PCDHA13: variants seen among roughly 807,000 people sequenced by gnomAD.
The protein encoded by PCDHA13 is protocadherin alpha-13.
In PCDHA13, 54 loss-of-function variants were observed where a neutral mutation model predicts 64.8. The ratio of observed to expected loss-of-function variants is 0.83; its 90% confidence interval spans 0.67 to 1.04. PCDHA13 has a LOEUF of 1.04. PCDHA13 is among the 50% of genes least tolerant of loss of function. The pLI is 0.00. For synonymous variants in PCDHA13, 587 were observed against 564.4 expected (o/e 1.04, Z -0.57); for missense variants, 1,248 against 1,254.3 (o/e 0.99, Z 0.08).
At chr5:140,926,375 C>G (rs1265113344) in intron 1 of PCDHA13, 1 of 152,328 alleles carries the variant, frequency 6.6e-6, no homozygotes, top group African/African-American at 2.4e-5. Flanking sequence ...CAGGAAGAGC[C>G]CAGCTGGGCT....
intron 1 of PCDHA13, among the ~76,000 whole-genome samples, chr5:140,885,665 G>A (rs2060682140): frequency 6.6e-6 from 1 of 152,114 alleles, no homozygotes; most frequent in Non-Finnish European, 1.5e-5. Flanking sequence ...CCAGTTATGA[G>A]CACTCTTTCT....
intron 1 of PCDHA13, among the ~76,000 whole-genome samples, chr5:140,941,191 T>TTTTTTTCTTTCTTTCTTTC (rs1554213809): frequency 2.1e-5 from 2 of 93,258 alleles, no homozygotes; most frequent in Admixed American, 1.2e-4. Context: ...GCTTCTTTTT[T>TTTTTTTCTTTCTTTCTTTC]TTTCTTTCTT....
chr5:140,898,881 A>G (rs1472274164), intron 1 of PCDHA13, among the ~76,000 whole-genome samples: 1 of 152,102 alleles, frequency 6.6e-6, no homozygotes, highest in Non-Finnish European at 1.5e-5. Context: ...AGTGGTTTGT[A>G]GTTCTCCTTG....
intron 1 of PCDHA13, among the ~76,000 whole-genome samples, chr5:140,955,031 A>C (rs782110698): frequency 6.6e-6 from 1 of 152,166 alleles, no homozygotes; most frequent in Non-Finnish European, 1.5e-5. Flanking sequence ...TAAATAGGGA[A>C]TCTTTTCCTC....
At chr5:140,981,332 G>A (rs1407839547) in intron 2 of PCDHA13, among the ~76,000 whole-genome samples, 1 of 152,182 alleles carries the variant, frequency 6.6e-6, no homozygotes, top group Non-Finnish European at 1.5e-5. Context: ...CCAGCACTTT[G>A]GGAGGGTGAG....
rs2098422397 is a variant in PCDHA13 at position 141,011,934 on chromosome 5, T to C, written c.*1997T>C. The C allele has an allele frequency of 6.5e-6, 1 of 153,836 alleles. No homozygotes were observed. The highest frequency in any genetic ancestry group is 6.5e-5 in the Admixed American group (1 of 15,306). The allele number at this position is 153,836 out of a possible 1,614,324, so 9.5% of individuals were successfully genotyped here. On this transcript the variant is annotated 3_prime_UTR_variant, in exon 4 of 4. Transcript: ENST00000289272. ...TAATATAAAAGAGGTAGGAGTCTGT[T>C]ATTTAAAAAAAGCATTAAATTTAAA...
intron 3 of PCDHA13, among the ~76,000 whole-genome samples, chr5:141,005,280 C>T (rs2098203817): frequency 6.6e-6 from 1 of 152,180 alleles, no homozygotes; most frequent in Non-Finnish European, 1.5e-5. Context: ...GGTGAATAAA[C>T]AGATACATTT....
intron 1 of PCDHA13, among the ~76,000 whole-genome samples, chr5:140,939,959 G>A (rs1272327380): frequency 6.6e-6 from 1 of 152,150 alleles, no homozygotes; most frequent in Non-Finnish European, 1.5e-5. Flanking sequence ...TTATGTTAAA[G>A]TGTTCCACGA....
chr5:140,937,219 T>A (rs555881657), intron 1 of PCDHA13, among the ~76,000 whole-genome samples: 4 of 151,838 alleles, frequency 2.6e-5, no homozygotes, highest in East Asian at 3.9e-4. Context: ...TTGTATTTTT[T>A]GTAGAGACGG....
At chr5:140,919,876 G>A (rs2079336654) in intron 1 of PCDHA13, among the ~76,000 whole-genome samples, 1 of 152,174 alleles carries the variant, frequency 6.6e-6, no homozygotes, top group Non-Finnish European at 1.5e-5. Flanking sequence ...AGTCTTTGAA[G>A]ACATAATTAT....
Position 140,882,918 on chromosome 5 carries a change from G to A in PCDHA13, c.650G>A (p.Gly217Glu), listed in dbSNP as rs1554176085. ...EHSLLLTASD[G>E]GKPELTGTVQ... is the part of the protein sequence containing the mutation. ...AGTTTATTACTGACAGCCAGTGATG[G>A]AGGTAAACCCGAGCTGACTGGCACA... Residue 217 changes from glycine to glutamate, a missense_variant, in exon 1 of 4, where the codon GGA (glycine) becomes GAA (glutamate). By Grantham distance (98) the Gly-to-Glu change is moderately conservative. Transcript: ENST00000289272. The A allele has an allele frequency of 6.2e-7, 1 of 1,614,186 alleles. No individual in the cohort carries two copies. The highest frequency in any genetic ancestry group is 1.1e-5 in the South Asian group (1 of 91,080).
At chr5:140,981,457 C>T (rs910127197) in intron 2 of PCDHA13, among the ~76,000 whole-genome samples, 6 of 152,064 alleles carry the variant, frequency 3.9e-5, no homozygotes, top group African/African-American at 7.2e-5. Context: ...GCCTGTAGTC[C>T]CAGCTACTTG....
intron 1 of PCDHA13, among the ~76,000 whole-genome samples, chr5:140,885,103 C>G (rs1336980793): frequency 6.6e-6 from 1 of 152,018 alleles, no homozygotes; most frequent in Non-Finnish European, 1.5e-5. Context: ...CACATAAATG[C>G]TTTTTTTAAG....
intron 1 of PCDHA13, among the ~76,000 whole-genome samples, chr5:140,951,214 T>C (rs994639576): frequency 1.3e-5 from 2 of 152,218 alleles, no homozygotes; most frequent in African/African-American, 2.4e-5. Context: ...ATCTCAGGTT[T>C]GGATTCTTGA....
At chr5:140,994,789 G>A (rs901197365) in intron 3 of PCDHA13, among the ~76,000 whole-genome samples, 8 of 152,260 alleles carry the variant, frequency 5.3e-5, no homozygotes, top group South Asian at 4.1e-4. Flanking sequence ...GAAACAATGC[G>A]TGCATGCAAA....
At chr5:140,927,153 C>T in intron 1 of PCDHA13, 1 of 1,614,190 alleles carries the variant, frequency 6.2e-7, no homozygotes, top group Non-Finnish European at 8.5e-7. Context: ...AACAGCTGTG[C>T]AGGGCCAAAG....
chr5:140,938,439 A>C (rs2092064072), intron 1 of PCDHA13, among the ~76,000 whole-genome samples: 1 of 152,208 alleles, frequency 6.6e-6, no homozygotes, highest in African/African-American at 2.4e-5. Flanking sequence ...TATCAGATTT[A>C]TTAAGTTCCC....
chr5:140,888,606 G>A (rs2061900283), intron 1 of PCDHA13, among the ~76,000 whole-genome samples: 2 of 152,180 alleles, frequency 1.3e-5, no homozygotes, highest in African/African-American at 4.8e-5. Context: ...GCAGCTTTTA[G>A]TGTAGCACTA....
Position 140,946,525 on chromosome 5 carries a change from A to G in PCDHA13, c.2395-32424A>G, listed in dbSNP as rs115610574. On this transcript the variant is annotated intron_variant, in intron 1 of 3. Transcript: ENST00000289272. ...ATGTCAAAGACCTATCCGCACTCCC[A>G]TGTTCATTGCAGCATTATTCATGAT... 6.9e-3 allele frequency among the ~76,000 whole-genome samples: 1,050 copies of G among 151,290 alleles called. 19 individuals carry two copies. The highest frequency in any genetic ancestry group is 0.024 in the African/African-American group (983 of 41,050).
Sources: allele counts gnomAD v4.1 joint callset (sites outside exome capture counted in the v4.1 genomes callset), GRCh38; gene constraint gnomAD v4.1.1; transcripts MANE v1.5; gene names NCBI Gene and HGNC (gene_info 2026-07-23, HGNC 2026-07-21).